PRKG1: variants seen among roughly 807,000 people sequenced by gnomAD.
PRKG1 encodes the protein cGMP-dependent protein kinase 1.
In PRKG1, 35 loss-of-function variants were observed where a neutral mutation model predicts 88.1. That is an observed-to-expected ratio of 0.40 (90% CI 0.30 to 0.53). PRKG1 has a LOEUF of 0.53. Among genes scored for constraint, PRKG1 ranks in the 20% least tolerant of loss-of-function variants. The probability of loss-of-function intolerance (pLI) is 0.59; values close to 1 mark genes in which losing one functional copy is unlikely to be tolerated. For synonymous variants in PRKG1, 303 were observed against 292.5 expected, an observed-to-expected ratio of 1.04 and a Z score of -0.37; for missense variants, 540 against 839.8, an observed-to-expected ratio of 0.64 and a Z score of 4.41.
intron 2 of PRKG1, among the ~76,000 whole-genome samples, chr10:51,417,096 A>C (rs546407987): frequency 1.3e-5 from 2 of 152,138 alleles, no homozygotes; most frequent in Non-Finnish European, 2.9e-5. Context: ...ACATATTTTC[A>C]CTTTTAACCC....
intron 3 of PRKG1, among the ~76,000 whole-genome samples, chr10:51,482,128 C>G (rs1487710719): frequency 1.3e-5 from 2 of 152,142 alleles, no homozygotes; most frequent in East Asian, 1.9e-4. Flanking sequence ...TCAACCTTCC[C>G]TTACTCCAGT....
At chr10:51,988,763 C>T (rs1022461008) in intron 5 of PRKG1, among the ~76,000 whole-genome samples, 1 of 151,820 alleles carries the variant, frequency 6.6e-6, no homozygotes, top group African/African-American at 2.4e-5. Context: ...CTAATCTTTG[C>T]CAGTTATGGG....
intron 3 of PRKG1, among the ~76,000 whole-genome samples, chr10:51,757,783 A>T (rs568160074): frequency 1.3e-5 from 2 of 152,264 alleles, no homozygotes; most frequent in Non-Finnish European, 2.9e-5. Context: ...GTGTTAAAAA[A>T]ATTACAATTA....
intron 2 of PRKG1, among the ~76,000 whole-genome samples, chr10:51,155,733 C>A (rs749518147): frequency 6.6e-6 from 1 of 151,912 alleles, no homozygotes; most frequent in African/African-American, 2.4e-5. Flanking sequence ...TGCTGCAATT[C>A]GAGTCTGAAA....
intron 3 of PRKG1, among the ~76,000 whole-genome samples, chr10:51,670,596 C>T (rs865964537): frequency 3.4e-5 from 5 of 148,942 alleles, no homozygotes; most frequent in South Asian, 4.2e-4. Context: ...ATTAGCCGGG[C>T]GTAGTGGCGG....
chr10:51,992,694 A>C (rs1844343943), intron 5 of PRKG1, among the ~76,000 whole-genome samples: 1 of 152,140 alleles, frequency 6.6e-6, no homozygotes, highest in Non-Finnish European at 1.5e-5. Context: ...TTAGACATCC[A>C]GGCCTAAAAT....
At chr10:51,324,571 C>CAAAAAA (rs34429733) in intron 2 of PRKG1, among the ~76,000 whole-genome samples, 1 of 84,440 alleles carries the variant, frequency 1.2e-5, no homozygotes, top group African/African-American at 3.7e-5. Context: ...ACTAAAAATA[C>CAAAAAA]AAAAAAAAAA....
intron 1 of PRKG1, among the ~76,000 whole-genome samples, chr10:50,996,171 C>T (rs538762742): frequency 6.6e-6 from 1 of 152,272 alleles, no homozygotes; most frequent in Admixed American, 6.5e-5. Context: ...CTGTGCTGAG[C>T]TATTTACCTG....
At chr10:51,638,406 C>T (rs1460558272) in intron 3 of PRKG1, among the ~76,000 whole-genome samples, 2 of 151,906 alleles carry the variant, frequency 1.3e-5, no homozygotes, top group Non-Finnish European at 2.9e-5. Context: ...TGAGCAGAAA[C>T]GTAACTTAGC....
intron 4 of PRKG1, among the ~76,000 whole-genome samples, chr10:51,815,950 C>T (rs1413860427): frequency 6.6e-6 from 1 of 152,164 alleles, no homozygotes; most frequent in Non-Finnish European, 1.5e-5. Context: ...TTACCAAACC[C>T]AGTGTGAGTG....
chr10:51,049,891 T>G (rs1272765587), intron 1 of PRKG1, among the ~76,000 whole-genome samples: 2 of 152,140 alleles, frequency 1.3e-5, no homozygotes, highest in Admixed American at 6.5e-5. Context: ...GGCATGGGTA[T>G]TCTAGGTTGC....
At chr10:51,190,804 C>T (rs1043851249) in intron 2 of PRKG1, among the ~76,000 whole-genome samples, 1 of 151,754 alleles carries the variant, frequency 6.6e-6, no homozygotes, top group African/African-American at 2.4e-5. Context: ...TGTTTTGAAC[C>T]TCCACTTTTT....
rs964526456 is a variant in PRKG1 at position 52,119,388 on chromosome 10, G to A, written c.936-14452G>A. Among the ~76,000 whole-genome samples, 21 of 152,260 alleles carry A rather than the reference G, an allele frequency of 1.4e-4. No individual in the cohort carries two copies. The East Asian group carries it at 3.9e-3, about 28-fold the overall frequency. ...CAAGTTGGCAATAGAATAATAAAAAGGAGACACTCTCTCCTGACATGTTGT... is the reference window on the plus strand; with the variant it reads ...CAAGTTGGCAATAGAATAATAAAAAAGAGACACTCTCTCCTGACATGTTGT... On this transcript the variant is annotated intron_variant, in intron 7 of 17. Coordinates refer to ENST00000373980, the MANE Select transcript of PRKG1 (RefSeq NM_006258.4).
intron 3 of PRKG1, among the ~76,000 whole-genome samples, chr10:51,647,151 A>T (rs111525143): frequency 0.017 from 342 of 19,710 alleles, 2 homozygotes; most frequent in African/African-American, 0.03. Flanking sequence ...AGATCAAGAT[A>T]AAAAAAAAAA....
At chr10:51,738,608 G>T (rs1837352718) in intron 3 of PRKG1, among the ~76,000 whole-genome samples, 1 of 152,088 alleles carries the variant, frequency 6.6e-6, no homozygotes, top group Admixed American at 6.6e-5. Flanking sequence ...ATGAGAGGAG[G>T]AAAGACCTCC....
chr10:51,775,976 T>C (rs1199689052), intron 3 of PRKG1, among the ~76,000 whole-genome samples: 1 of 152,202 alleles, frequency 6.6e-6, no homozygotes, highest in African/African-American at 2.4e-5. Flanking sequence ...TTCCTTTCTT[T>C]ATTTTAGTTC....
intron 3 of PRKG1, among the ~76,000 whole-genome samples, chr10:51,564,177 A>G (rs756788919): frequency 3.9e-5 from 6 of 151,992 alleles, no homozygotes; most frequent in Non-Finnish European, 5.9e-5. Flanking sequence ...GTACTTTTTT[A>G]TGTACTAAGG....
intron 3 of PRKG1, among the ~76,000 whole-genome samples, chr10:51,687,461 C>A (rs1841023931): frequency 6.6e-6 from 1 of 152,138 alleles, no homozygotes; most frequent in African/African-American, 2.4e-5. Context: ...GATTTGACAG[C>A]TTCAAAATTT....
At chr10:51,640,742 A>G (rs1212201106) in intron 3 of PRKG1, among the ~76,000 whole-genome samples, 2 of 152,190 alleles carry the variant, frequency 1.3e-5, no homozygotes, top group Non-Finnish European at 2.9e-5. Flanking sequence ...AATACTCTCA[A>G]ATTAGTAGTT....
Sources: allele counts gnomAD v4.1 joint callset (sites outside exome capture counted in the v4.1 genomes callset), GRCh38; gene constraint gnomAD v4.1.1; transcripts MANE v1.5; gene names NCBI Gene and HGNC (gene_info 2026-07-23, HGNC 2026-07-21).